The following CHRDL1 variants were observed in gnomAD, a reference collection of about 807,000 sequenced individuals.
CHRDL1 encodes chordin like 1, also known as chordin-like protein 1.
A neutral mutation model predicts 40.9 loss-of-function variants in CHRDL1; 19 were observed. That is an observed-to-expected ratio of 0.46 (90% CI 0.32 to 0.68). The LOEUF (loss-of-function observed/expected upper bound fraction) is 0.68. Among genes scored for constraint, CHRDL1 ranks in the 30% least tolerant of loss-of-function variants. The pLI is 0.03. For missense variants in CHRDL1, 329 were observed against 352.1 expected (o/e 0.93, Z 0.53); for synonymous variants, 136 against 123.4 (o/e 1.10, Z -0.68).
chrX:110,768,916 T>A (rs766251573), intron 2 of CHRDL1, among the ~76,000 whole-genome samples: 50 of 111,268 alleles, frequency 4.5e-4, no homozygotes, highest in Non-Finnish European at 8.5e-4. Context: ...GTTCTGTCCC[T>A]CTAGAGAACC....
chrX:110,682,461 A>G (rs760002658), intron 9 of CHRDL1, among the ~76,000 whole-genome samples: 2 of 112,301 alleles, frequency 1.8e-5, no homozygotes, highest in South Asian at 7.5e-4. Context: ...CCCCTGTTTT[A>G]AAAAGTTTCT....
chrX:110,684,794 A>G (rs931649889), intron 9 of CHRDL1, among the ~76,000 whole-genome samples: 7 of 112,668 alleles, frequency 6.2e-5, no homozygotes, highest in Non-Finnish European at 1.1e-4. Flanking sequence ...TACCTGGAGC[A>G]GGTGCCCTTG....
At chrX:110,755,378 C>T (rs1465824604) in intron 4 of CHRDL1, among the ~76,000 whole-genome samples, 1 of 111,954 alleles carries the variant, frequency 8.9e-6, no homozygotes, top group Non-Finnish European at 1.9e-5. Flanking sequence ...ACTCTGATTT[C>T]CACGGTTTAG....
intron 4 of CHRDL1, among the ~76,000 whole-genome samples, chrX:110,724,799 C>T (rs937115903): frequency 4.5e-5 from 5 of 110,872 alleles, no homozygotes; most frequent in Non-Finnish European, 7.6e-5. Context: ...TCTAGGAATG[C>T]GATATGGACT....
chrX:110,777,798 T>G (rs2089876234), intron 2 of CHRDL1, among the ~76,000 whole-genome samples: 1 of 111,801 alleles, frequency 8.9e-6, no homozygotes, highest in Non-Finnish European at 1.9e-5. Context: ...TCCCAGTCTG[T>G]GGCTTTTTAT....
chrX:110,691,814 A>G (rs2070284199), intron 8 of CHRDL1, among the ~76,000 whole-genome samples: 1 of 111,778 alleles, frequency 8.9e-6, no homozygotes, highest in African/African-American at 3.3e-5. Context: ...GTGGCTCACA[A>G]TGTTACAATG....
intron 4 of CHRDL1, among the ~76,000 whole-genome samples, chrX:110,753,208 A>C (rs1219606696): frequency 8.9e-6 from 1 of 112,233 alleles, no homozygotes; most frequent in Non-Finnish European, 1.9e-5. Context: ...ATAATAATGG[A>C]AGATTATTCA....
At chrX:110,754,051 T>C (rs1368427422) in intron 4 of CHRDL1, among the ~76,000 whole-genome samples, 1 of 112,516 alleles carries the variant, frequency 8.9e-6, no homozygotes, top group Non-Finnish European at 1.9e-5. Flanking sequence ...CTAACTCAAC[T>C]GAAATCAGGA....
intron 8 of CHRDL1, among the ~76,000 whole-genome samples, chrX:110,691,230 A>C (rs1295672648): frequency 9.6e-6 from 1 of 104,081 alleles, no homozygotes; most frequent in African/African-American, 3.5e-5. Context: ...AGACCCACCC[A>C]AAAAAGGAGC....
intron 6 of CHRDL1, among the ~76,000 whole-genome samples, chrX:110,706,530 A>G (rs1230795535): frequency 9.0e-6 from 1 of 111,417 alleles, no homozygotes; most frequent in Non-Finnish European, 1.9e-5. Flanking sequence ...AAATGGCCAA[A>G]AGCTAGGCTG....
rs777260543 is a variant in CHRDL1 at position 110,681,491 on chromosome X, T to C, written c.1147A>G (p.Ile383Val). ...ATGTTGTCTTGCTCACCCTTTCGAA[T>C]AGTCCAAACGTGGACCTCTACCTGA... is the stretch of plus-strand genomic sequence containing the variant. Reference protein sequence around the residue: ...PPQVEVHVWTIRKGILQHFHI... With the variant: ...PPQVEVHVWTVRKGILQHFHI... Residue 383 changes from isoleucine to valine, a missense_variant, in exon 10 of 12, where the codon ATT (isoleucine) becomes GTT (valine). By Grantham distance (29) the Ile-to-Val change is conservative. Transcript: ENST00000372042. The C allele has an allele frequency of 1.7e-6, 2 of 1,206,708 alleles. No individual in the cohort carries two copies. Among genetic ancestry groups the C allele is most frequent in the Admixed American group, 2.2e-5 (1 of 45,625 alleles).
intron 4 of CHRDL1, among the ~76,000 whole-genome samples, chrX:110,721,750 C>T (rs917566813): frequency 8.9e-6 from 1 of 112,123 alleles, no homozygotes; most frequent in African/African-American, 3.2e-5. Flanking sequence ...TCCATCCATC[C>T]ATCCATCCAT....
chrX:110,726,461 T>C (rs1210324954), intron 4 of CHRDL1, among the ~76,000 whole-genome samples: 2 of 111,799 alleles, frequency 1.8e-5, no homozygotes, highest in African/African-American at 3.3e-5. Context: ...TGATGGTACC[T>C]TGATCTTGGA....
chrX:110,702,821 A>G (rs1425622128), intron 6 of CHRDL1, among the ~76,000 whole-genome samples: 2 of 111,283 alleles, frequency 1.8e-5, no homozygotes, highest in East Asian at 5.6e-4. Context: ...CTGCTTTCCC[A>G]TATTAGAATC....
chrX:110,781,867 T>C (rs1213287948), intron 2 of CHRDL1, among the ~76,000 whole-genome samples: 2 of 112,251 alleles, frequency 1.8e-5, no homozygotes, highest in Non-Finnish European at 3.8e-5. Context: ...ATATTTAAGA[T>C]AGATTATTTC....
rs535963748 is a variant in CHRDL1, at chrX:110,727,233, G to A, written c.302-5703C>T. Among the ~76,000 whole-genome samples, 10 of 111,554 alleles carry A rather than the reference G, an allele frequency of 9.0e-5. No homozygotes were observed. The South Asian group carries it at 3.8e-3, about 43-fold the overall frequency. On this transcript the variant is annotated intron_variant, in intron 4 of 11. Transcript: ENST00000372042. ...GAGTTATTAGAAACTGGAACCACAG[G>A]CCAACTAGGCATGTAGGGAAATTAT...
intron 3 of CHRDL1, among the ~76,000 whole-genome samples, 169 bp downstream of exon 3, chrX:110,762,526 C>T (rs968620440): frequency 2.7e-5 from 3 of 111,949 alleles, no homozygotes; most frequent in African/African-American, 3.2e-5. Flanking sequence ...ATCCACATGC[C>T]TCAGCCTCAC....
chrX:110,704,686 G>A (rs2070586873), intron 6 of CHRDL1, among the ~76,000 whole-genome samples: 3 of 111,678 alleles, frequency 2.7e-5, no homozygotes, highest in Non-Finnish European at 5.6e-5. Context: ...ATTGAGCAGG[G>A]ATGAGCTTAG....
At chrX:110,778,474 G>A (rs775480520) in intron 2 of CHRDL1, among the ~76,000 whole-genome samples, 2 of 111,585 alleles carry the variant, frequency 1.8e-5, no homozygotes, top group African/African-American at 3.2e-5. Flanking sequence ...CAAAAGACAC[G>A]CATGTAGTCA....
Sources: allele counts gnomAD v4.1 joint callset (sites outside exome capture counted in the v4.1 genomes callset), GRCh38; gene constraint gnomAD v4.1.1; transcripts MANE v1.5; gene names NCBI Gene and HGNC (gene_info 2026-07-23, HGNC 2026-07-21).